GABRD: variants seen among roughly 807,000 people sequenced by gnomAD.
GABRD encodes the protein gamma-aminobutyric acid type A receptor subunit delta, also known as gamma-aminobutyric acid receptor subunit delta.
Under a neutral mutation model 47.3 loss-of-function variants are expected in GABRD, and 25 were observed. That is an observed-to-expected ratio of 0.53 (90% CI 0.39 to 0.74). The LOEUF is 0.74. GABRD is among the 30% of genes least tolerant of loss of function. GABRD has a pLI of 0.00. For synonymous variants in GABRD, 314 were observed against 278.8 expected (o/e 1.13, Z -1.26); for missense variants, 497 against 643.4 (o/e 0.77, Z 2.46).
At chr1:2,021,392 CCT>C (rs1039006013) in intron 1 of GABRD, among the ~76,000 whole-genome samples, 2 of 152,118 alleles carry the variant, frequency 1.3e-5, no homozygotes, top group Non-Finnish European at 2.9e-5. Context: ...CCATGAAGGG[CCT>C]CTCTGTATCT....
chr1:2,027,366 T>G, intron 4 of GABRD: 1 of 607,026 alleles, frequency 1.6e-6, no homozygotes, highest in Non-Finnish European at 3.0e-6. Context: ...AGAGAATGAA[T>G]GAAATCCAGT....
At position 2,025,677 on chromosome 1, in the gene GABRD, G is replaced by A; in HGVS notation, c.409G>A (p.Val137Met). The change falls in exon 4 of 9, where the codon GTG (valine) becomes ATG (methionine). Residue 137 changes from valine to methionine, a missense_variant. Around this residue, in one of 3 missense-constraint regions of GABRD, gnomAD observed 285 missense variants for 436.6 expected, o/e 0.65. Transcript: ENST00000378585. ...VNAKSAWFHD[V>M]TVENKLIRLQ... is the part of the protein sequence containing the mutation. ...CGCCAAGTCGGCCTGGTTCCACGAC[G>A]TGACGGTGGAGAACAAGCTCATCCG... 1 of 1,612,994 alleles carries A rather than the reference G, an allele frequency of 6.2e-7. No individual in the cohort carries two copies. Among genetic ancestry groups the A allele is most frequent in the South Asian group, 1.1e-5 (1 of 91,088 alleles).
intron 1 of GABRD, among the ~76,000 whole-genome samples, chr1:2,021,901 G>A (rs1429406994): frequency 6.6e-6 from 1 of 152,182 alleles, no homozygotes; most frequent in Non-Finnish European, 1.5e-5. Flanking sequence ...TCCCCAGGGC[G>A]CAGACAAGTG....
intron 7 of GABRD, 106 bp downstream of exon 7, chr1:2,029,372 A>G: frequency 6.9e-7 from 1 of 1,440,686 alleles, no homozygotes; most frequent in East Asian, 2.5e-5. Flanking sequence ...GGACCATGCC[A>G]GCTGTCCTGG....
chr1:2,026,015 T>C (rs1456301420), intron 4 of GABRD, among the ~76,000 whole-genome samples: 1 of 152,234 alleles, frequency 6.6e-6, no homozygotes, highest in African/African-American at 2.4e-5. Flanking sequence ...TCACATAACA[T>C]AAAATTAACC....
In GABRD at chr1:2,025,010, G is replaced by C. The variant is rs1441811312; in HGVS notation, c.137G>C (p.Gly46Ala). ...ATCTCCTGGCTCCCCAACCTGGACG[G>C]GCTGATAGCCGGCTACGCCCGCAAC... ...LEISWLPNLD[G>A]LIAGYARNFR... Residue 46 changes from glycine (G) to alanine (A), a missense_variant, in exon 2 of 9, where the codon GGG becomes GCG. Transcript: ENST00000378585. The C allele has an allele frequency of 6.2e-7, 1 of 1,612,862 alleles. No individual in the cohort carries two copies. Among genetic ancestry groups the C allele is most frequent in the South Asian group, 1.1e-5 (1 of 91,088 alleles).
Position 2,028,408 on chromosome 1 carries a change from T to C in GABRD, c.691+116T>C. On this transcript the variant is annotated intron_variant, in intron 6 of 8. Transcript: ENST00000378585. The surrounding 1 kb of genome is among the most constrained non-coding windows in gnomAD (Gnocchi z 6.4). ...CGCGTGCGCCCGCCTGTGGTTTTCA[T>C]GCTTTTTAGTCAAGCGCCCGCAGGC... 3 of 1,190,738 alleles carry C rather than the reference T, an allele frequency of 2.5e-6. No individual in the cohort carries two copies. The highest frequency in any genetic ancestry group is 3.2e-6 in the Non-Finnish European group (3 of 928,530). 73.8% of individuals were successfully genotyped at this position (1,190,738 alleles called of 1,614,324 possible).
intron 4 of GABRD, chr1:2,027,276 C>T (rs1443820690): frequency 6.4e-6 from 3 of 465,356 alleles, no homozygotes; most frequent in East Asian, 4.2e-5. Flanking sequence ...CCTCAGCCAT[C>T]GCTCGGGCCA....
intron 3 of GABRD, 43 bp from the exon 4 acceptor site, chr1:2,025,475 G>C: frequency 6.2e-7 from 1 of 1,611,310 alleles, no homozygotes; most frequent in South Asian, 1.1e-5. Context: ...TGCCCCTGGG[G>C]GTGGAGCAAG....
rs751428576 is a variant in GABRD, at chr1:2,021,653, C to A, written c.68+2162C>A. Reference sequence around the variant, plus strand: ...GCACCGAGCTTGCCGACTGCATGCCCGCGTGGGTGGCCCTCCCGGGCTGCC... The same window carrying A: ...GCACCGAGCTTGCCGACTGCATGCCAGCGTGGGTGGCCCTCCCGGGCTGCC... On this transcript the variant is annotated intron_variant, in intron 1 of 8. Coordinates refer to ENST00000378585, the MANE Select transcript of GABRD (RefSeq NM_000815.5). Among the ~76,000 whole-genome samples the A allele has an allele frequency of 1.6e-4, 24 of 152,172 alleles. 1 individual carries two copies. Among genetic ancestry groups the A allele is most frequent in the Non-Finnish European group, 5.9e-5 (4 of 68,010 alleles).
At position 2,030,075 on chromosome 1, in the gene GABRD, G is replaced by T; in HGVS notation, c.1152G>T (p.Pro384=). The T allele has an allele frequency of 1.2e-6, 2 of 1,608,380 alleles. No individual in the cohort carries two copies. Among genetic ancestry groups the T allele is most frequent in the Middle Eastern group, 1.7e-4 (1 of 6,036 alleles). ...TCTCCCGCCGGCAGCGCCGCGTCCC[G>T]GGGAACCTGATGGGCTCCTACAGGT... ...LAISRRQRRV[P]GNLMGSYRSV... is the part of the protein sequence containing the mutation. The change falls in exon 9 of 9, where the codon CCG becomes CCT. Residue 384 remains proline, a synonymous_variant. Transcript: ENST00000378585.
At position 2,025,044 on chromosome 1, in the gene GABRD, T is replaced by C. The variant is rs1219829867; in HGVS notation, c.171T>C (p.Pro57=). The change falls in exon 2 of 9, where the codon CCT becomes CCC. Residue 57 remains proline (P), a synonymous_variant. Coordinates refer to ENST00000378585, the MANE Select transcript of GABRD (RefSeq NM_000815.5). ...LIAGYARNFR[P]GIGGPPVNVA... Reference sequence around the variant, plus strand: ...CCGGCTACGCCCGCAACTTCCGGCCTGGCATCGGAGGTGAGGGGCGGTCCA... The same window carrying C: ...CCGGCTACGCCCGCAACTTCCGGCCCGGCATCGGAGGTGAGGGGCGGTCCA... The C allele has an allele frequency of 6.2e-7, 1 of 1,612,074 alleles. No homozygotes were observed. Among genetic ancestry groups the C allele is most frequent in the Admixed American group, 1.7e-5 (1 of 59,982 alleles).
At chr1:2,021,206 G>T (rs566007654) in intron 1 of GABRD, among the ~76,000 whole-genome samples, 2 of 152,348 alleles carry the variant, frequency 1.3e-5, no homozygotes, top group South Asian at 4.1e-4. Context: ...GTTAAAAACA[G>T]TTACCACCTG....
chr1:2,024,585 G>C (rs891474513), intron 1 of GABRD: 1 of 176,532 alleles, frequency 5.7e-6, no homozygotes, highest in Admixed American at 5.9e-5. Context: ...ACCCGAGGCC[G>C]GCCTCCGCGG....
chr1:2,020,601 G>T (rs917099735), intron 1 of GABRD, among the ~76,000 whole-genome samples: 1 of 152,194 alleles, frequency 6.6e-6, no homozygotes, highest in Admixed American at 6.5e-5. Flanking sequence ...CCTGGGAAGA[G>T]CTTTGTTCTT....
rs1312828513 is a variant in GABRD, at chr1:2,029,749, G to A, written c.1046G>A (p.Arg349Lys). The A allele has an allele frequency of 6.2e-7, 1 of 1,612,884 alleles. No homozygotes were observed. Among genetic ancestry groups the A allele is most frequent in the Non-Finnish European group, 8.5e-7 (1 of 1,179,936 alleles). The change falls in exon 8 of 9, where the codon AGG becomes AAG. Residue 349 changes from arginine (R) to lysine (K), a missense_variant. Arg to Lys is a conservative substitution (Grantham distance 26). Around this residue, in one of 3 missense-constraint regions of GABRD, gnomAD observed 285 missense variants for 436.6 expected, o/e 0.65. Transcript: ENST00000378585. ...KKQKAKVKVS[R>K]PRAEMDVRNA... ...CAGAAGGCCAAGGTCAAGGTCTCCA[G>A]GCCGAGGGCAGAGGTGAGGGCCTGG...
rs1052045361 is a variant in GABRD, at chr1:2,029,125, C to T, written c.706C>T (p.Arg236Trp). The change falls in exon 7 of 9, where the codon CGG (arginine) becomes TGG (tryptophan). Residue 236 changes from arginine to tryptophan, a missense_variant. Physicochemically the swap from Arg to Trp is moderately radical, Grantham distance 101. This residue lies in a region of GABRD where 285 missense variants were observed against 436.6 expected (regional missense o/e 0.65). Coordinates refer to ENST00000378585, the MANE Select transcript of GABRD (RefSeq NM_000815.5). The stretch of plus-strand genomic sequence containing the variant: ...TGTCCTGGCAGCTGGCCAGTTCCCA[C>T]GGCTCAGCCTGCACTTCCACCTGCG... The part of the protein sequence containing the change: ...MNFKSAGQFP[R>W]LSLHFHLRRN... 6 of 1,542,490 alleles carry T rather than the reference C, an allele frequency of 3.9e-6. No individual in the cohort carries two copies. The highest frequency in any genetic ancestry group is 1.4e-5 in the African/African-American group (1 of 73,064).
Position 2,030,565 on chromosome 1 carries a change from T to G in GABRD, c.*283T>G. 1 of 351,200 alleles carries G rather than the reference T, an allele frequency of 2.8e-6. No individual in the cohort carries two copies. Among genetic ancestry groups the G allele is most frequent in the Admixed American group, 4.4e-5 (1 of 22,538 alleles). The allele number at this position is 351,200 out of a possible 1,614,324, so 21.8% of individuals were successfully genotyped here. A position where few individuals can be genotyped will look rare whatever the true frequency, so the allele number is the denominator to read the frequency against. On this transcript the variant is annotated 3_prime_UTR_variant, in exon 9 of 9. Transcript: ENST00000378585. ...CTGAGCCAGGCCGGGGTCTGGGCCC[T>G]TCAGGGAGCCGCGGATTTTTATGTT... is the stretch of plus-strand genomic sequence containing the variant.
At chr1:2,020,528 C>T (rs1266972581) in intron 1 of GABRD, among the ~76,000 whole-genome samples, 1 of 152,234 alleles carries the variant, frequency 6.6e-6, no homozygotes, top group Non-Finnish European at 1.5e-5. Flanking sequence ...GGTCCAGCTG[C>T]AGCCGTGTGC....
Sources: allele counts gnomAD v4.1 joint callset (sites outside exome capture counted in the v4.1 genomes callset), GRCh38; gene constraint gnomAD v4.1.1; regional missense constraint gnomAD v4.1.1; non-coding constraint Gnocchi (gnomAD v3.1); transcripts MANE v1.5; gene names NCBI Gene and HGNC (gene_info 2026-07-23, HGNC 2026-07-21).